SLC3A1: variants seen among roughly 807,000 people sequenced by gnomAD.
SLC3A1 encodes solute carrier family 3 member 1, also known as amino acid transporter heavy chain SLC3A1.
A neutral mutation model predicts 60.3 loss-of-function variants in SLC3A1; 78 were observed. The ratio of observed to expected loss-of-function variants is 1.29; its 90% CI spans 1.08 to 1.56. The LOEUF (loss-of-function observed/expected upper bound fraction) is 1.56, where lower values mean the gene tolerates loss of function less well. Among genes scored for constraint, SLC3A1 ranks in the 40% most tolerant of loss-of-function variants. SLC3A1 has a pLI of 0.00. For synonymous variants in SLC3A1, 392 were observed against 307.9 expected (o/e 1.27, Z -2.86); for missense variants, 1,172 against 858.9 (o/e 1.36, Z -4.56).
At chr2:44,281,357 C>T (rs1671495605) in intron 2 of SLC3A1, 30 bp from the exon 3 acceptor site, 1 of 1,584,892 alleles carries the variant, frequency 6.3e-7, no homozygotes, top group African/African-American at 1.4e-5. Context: ...CAATCTTTCC[C>T]TAGCATTTGA....
chr2:44,292,524 G>A (rs1671762315), intron 4 of SLC3A1, among the ~76,000 whole-genome samples: 1 of 152,096 alleles, frequency 6.6e-6, no homozygotes, highest in Non-Finnish European at 1.5e-5. Flanking sequence ...CTTATATTCT[G>A]GGGTGGGAGG....
intron 7 of SLC3A1, among the ~76,000 whole-genome samples, chr2:44,309,999 C>G (rs1327097343): frequency 6.6e-6 from 1 of 152,100 alleles, no homozygotes; most frequent in Non-Finnish European, 1.5e-5. Context: ...TCAAGCAATC[C>G]TCCTGCATTA....
intron 3 of SLC3A1, 101 bp downstream of exon 3, chr2:44,281,642 A>G: frequency 8.9e-7 from 1 of 1,126,612 alleles, no homozygotes; most frequent in East Asian, 2.5e-5. Context: ...GAATGAATAT[A>G]GTTTATCGGA....
chr2:44,314,922 ATTTTTTTTTTTTTTT>A (rs561577601), intron 9 of SLC3A1: 1 of 78,548 alleles, frequency 1.3e-5, no homozygotes, highest in Non-Finnish European at 2.3e-5. Flanking sequence ...TAAAACAGTG[ATTTTTTTTTTTTTTT>A]TTTTTTTTTT....
intron 6 of SLC3A1, among the ~76,000 whole-genome samples, chr2:44,302,011 T>C (rs1672023790): frequency 6.6e-6 from 1 of 152,118 alleles, no homozygotes; most frequent in Non-Finnish European, 1.5e-5. Context: ...GCTGAGATCA[T>C]GCCACTGTGC....
chr2:44,312,818 T>G (rs1672332815), intron 8 of SLC3A1, 65 bp downstream of exon 8: 1 of 1,425,406 alleles, frequency 7.0e-7, no homozygotes, highest in Non-Finnish European at 9.7e-7. Context: ...TTTTATTTTT[T>G]GCCAAATCAG....
chr2:44,318,778 T>C (rs1343928663), intron 9 of SLC3A1: 1 of 152,194 alleles, frequency 6.6e-6, no homozygotes, highest in East Asian at 1.9e-4. Context: ...CTTGGAAGTA[T>C]TTAATAGCAG....
rs1378685455 is a variant in SLC3A1, at chr2:44,304,256, A to T, written c.1250A>T (p.Asp417Val). Residue 417 changes from aspartate (D) to valine (V), a missense_variant, in exon 7 of 10, where the codon GAC becomes GTC. By Grantham distance (152) the Asp-to-Val change is radical (BLOSUM62 -3). Transcript: ENST00000260649. ...TTCAACAATTACCTCAGCATGCTAG[A>T]CACTGTTTCTGGGAACAGCGTGTAT... is the stretch of plus-strand genomic sequence containing the variant. ...FPFNNYLSML[D>V]TVSGNSVYEV... The T allele has an allele frequency of 1.3e-5, 21 of 1,614,034 alleles. No individual in the cohort carries two copies. Among genetic ancestry groups the T allele is most frequent in the Non-Finnish European group, 1.7e-5 (20 of 1,179,982 alleles).
chr2:44,308,039 C>G (rs1370477588), intron 7 of SLC3A1, among the ~76,000 whole-genome samples: 2 of 152,152 alleles, frequency 1.3e-5, no homozygotes, highest in Non-Finnish European at 2.9e-5. Context: ...CTTTGGGAGG[C>G]TGAGGTGGGA....
chr2:44,289,035 A>C (rs776055035), intron 4 of SLC3A1, among the ~76,000 whole-genome samples: 6 of 151,840 alleles, frequency 4.0e-5, no homozygotes. Context: ...GGGTTTCTCC[A>C]TGTTGGCCAG....
At position 44,286,086 on chromosome 2, in the gene SLC3A1, T is replaced by C. The variant is rs766121541; in HGVS notation, c.820T>C (p.Tyr274His). 1.2e-6 allele frequency: 2 copies of C among 1,614,006 alleles called. No individual in the cohort carries two copies. Among genetic ancestry groups the C allele is most frequent in the Non-Finnish European group, 1.7e-6 (2 of 1,179,872 alleles). The change falls in exon 4 of 10, where the codon TAT becomes CAT. Residue 274 changes from tyrosine to histidine, a missense_variant. Tyr to His is a moderately conservative substitution (Grantham distance 83). Transcript: ENST00000260649. ...CTTTGACGAAGTGCGAAACCAATGT[T>C]ATTTTCATCAGTTTATGAAAGAGCA... ...WHFDEVRNQC[Y>H]FHQFMKEQPD... is the part of the protein sequence containing the mutation.
chr2:44,281,713 C>T (rs1476009824), intron 3 of SLC3A1, among the ~76,000 whole-genome samples, 172 bp downstream of exon 3: 2 of 151,974 alleles, frequency 1.3e-5, no homozygotes, highest in Non-Finnish European at 2.9e-5. Context: ...ACTCAGGCTT[C>T]CAATTATTAT....
rs935959414 is a variant in SLC3A1, at chr2:44,293,589, C to T, written c.892-6382C>T. ...CTAGTCTAGAGATAAAACTTTGGGA[C>T]TTGTTGATGTGGCTGATGTCTACAG... On this transcript the variant is annotated intron_variant, in intron 4 of 9. Coordinates refer to ENST00000260649, the MANE Select transcript of SLC3A1 (RefSeq NM_000341.4). Among the ~76,000 whole-genome samples the T allele has an allele frequency of 5.3e-5, 8 of 150,980 alleles. No homozygotes were observed. The East Asian group carries it at 7.8e-4, about 15-fold the overall frequency.
chr2:44,310,162 G>A lies in SLC3A1; in HGVS notation c.1333-2424G>A, dbSNP rs550864202. Reference sequence around the variant, plus strand: ...TCCCACCTTGGCCCTTAAAGTGTTAGGATTACAGGTGTGAGCCACTGTGCC... The same window carrying A: ...TCCCACCTTGGCCCTTAAAGTGTTAAGATTACAGGTGTGAGCCACTGTGCC... On this transcript the variant is annotated intron_variant, in intron 7 of 9. Transcript: ENST00000260649. Among the ~76,000 whole-genome samples the A allele has an allele frequency of 2.6e-5, 4 of 152,268 alleles. No individual in the cohort carries two copies. In the East Asian group the frequency reaches 5.8e-4, roughly 22 times the overall value.
intron 4 of SLC3A1, among the ~76,000 whole-genome samples, chr2:44,290,960 G>A (rs1671728937): frequency 6.6e-6 from 1 of 152,114 alleles, no homozygotes; most frequent in African/African-American, 2.4e-5. Context: ...TATGTGCTAA[G>A]TGCTGTTCCT....
At chr2:44,289,733 T>C (rs989182773) in intron 4 of SLC3A1, among the ~76,000 whole-genome samples, 3 of 152,080 alleles carry the variant, frequency 2.0e-5, no homozygotes, top group African/African-American at 7.2e-5. Context: ...TGGGTTCAAG[T>C]GATTTTCCTG....
chr2:44,307,653 G>C (rs943516211), intron 7 of SLC3A1, among the ~76,000 whole-genome samples: 1 of 151,550 alleles, frequency 6.6e-6, no homozygotes, highest in Non-Finnish European at 1.5e-5. Flanking sequence ...GTCTTATTTG[G>C]AGTAATGTCT....
At chr2:44,286,689 G>A (rs35292139) in intron 4 of SLC3A1, among the ~76,000 whole-genome samples, 11 of 144,610 alleles carry the variant, frequency 7.6e-5, no homozygotes, top group Non-Finnish European at 1.4e-4. Flanking sequence ...TGAGCTGTGC[G>A]GTGCCTGTGA....
intron 6 of SLC3A1, 73 bp from the exon 7 acceptor site, chr2:44,304,070 A>G (rs1288029111): frequency 8.9e-7 from 1 of 1,121,974 alleles, no homozygotes; most frequent in Non-Finnish European, 1.4e-6. Flanking sequence ...TACATGCAAG[A>G]TAAGCAGCTG....
Sources: allele counts gnomAD v4.1 joint callset (sites outside exome capture counted in the v4.1 genomes callset), GRCh38; gene constraint gnomAD v4.1.1; transcripts MANE v1.5; gene names NCBI Gene and HGNC (gene_info 2026-07-23, HGNC 2026-07-21).